SSH2: variants seen among roughly 807,000 people sequenced by gnomAD.
SSH2 encodes protein phosphatase Slingshot homolog 2.
In SSH2, 37 loss-of-function variants were observed where a neutral mutation model predicts 135.2. That is an observed-to-expected ratio of 0.27 (90% CI 0.21 to 0.36). The LOEUF (loss-of-function observed/expected upper bound fraction) is 0.36. Among genes scored for constraint, SSH2 ranks in the 10% least tolerant of loss-of-function variants. The pLI is 1.00. For synonymous variants in SSH2, 628 were observed against 646.2 expected, an observed-to-expected ratio of 0.97 and a Z score of 0.43; for missense variants, 1,408 against 1,765.3, an observed-to-expected ratio of 0.80 and a Z score of 3.63.
At chr17:29,660,829 G>T (rs1460504593) in intron 11 of SSH2, among the ~76,000 whole-genome samples, 1 of 151,534 alleles carries the variant, frequency 6.6e-6, no homozygotes. Context: ...GGCTGAGGTG[G>T]GCAGATCACC....
At chr17:29,733,287 C>T (rs1180239891) in intron 3 of SSH2, among the ~76,000 whole-genome samples, 1 of 152,302 alleles carries the variant, frequency 6.6e-6, no homozygotes, top group African/African-American at 2.4e-5. Flanking sequence ...ACAATAGGTG[C>T]CCTCAAAAGG....
intron 11 of SSH2, among the ~76,000 whole-genome samples, chr17:29,658,292 C>T (rs1236344333): frequency 6.6e-6 from 1 of 152,020 alleles, no homozygotes; most frequent in East Asian, 1.9e-4. Flanking sequence ...AGGCATGAGC[C>T]ATTGTGCCCA....
intron 3 of SSH2, among the ~76,000 whole-genome samples, chr17:29,714,757 A>T (rs1024863725): frequency 2.0e-5 from 3 of 152,126 alleles, no homozygotes; most frequent in African/African-American, 7.2e-5. Context: ...CAGAAATTAA[A>T]CTCACTTTCT....
chr17:29,686,745 T>A (rs1375008625), intron 5 of SSH2, among the ~76,000 whole-genome samples: 1 of 152,120 alleles, frequency 6.6e-6, no homozygotes, highest in Non-Finnish European at 1.5e-5. Flanking sequence ...CTCGGCTCAC[T>A]GCAACCTCCG....
At chr17:29,734,832 CA>C (rs1388790344) in intron 3 of SSH2, among the ~76,000 whole-genome samples, 1 of 152,118 alleles carries the variant, frequency 6.6e-6, no homozygotes, top group African/African-American at 2.4e-5. Flanking sequence ...AGAGGGTATT[CA>C]AAGGGCTGCA....
At chr17:29,649,883 A>T (rs994709799) in intron 13 of SSH2, among the ~76,000 whole-genome samples, 1 of 152,244 alleles carries the variant, frequency 6.6e-6, no homozygotes, top group Non-Finnish European at 1.5e-5. Flanking sequence ...AACTAAGAGG[A>T]AGAACTTCCT....
intron 3 of SSH2, among the ~76,000 whole-genome samples, chr17:29,774,640 G>C (rs1470347212): frequency 6.6e-6 from 1 of 152,198 alleles, no homozygotes; most frequent in African/African-American, 2.4e-5. Context: ...GGATTGGAGA[G>C]TAGAGAAGTG....
chr17:29,928,603 T>C (rs1597529913), intron 1 of SSH2: 1 of 398,510 alleles, frequency 2.5e-6, no homozygotes. Flanking sequence ...ACACAAGATA[T>C]ATAACCTTTG....
chr17:29,761,840 C>CGTGTGTGT (rs777352798), intron 3 of SSH2, among the ~76,000 whole-genome samples: 2,381 of 133,308 alleles, frequency 0.018, 31 homozygotes, highest in Admixed American at 0.023. Context: ...CACTCACATA[C>CGTGTGTGT]ATATGTGTGT....
intron 6 of SSH2, among the ~76,000 whole-genome samples, chr17:29,678,839 C>T (rs763518507): frequency 3.3e-5 from 5 of 150,712 alleles, no homozygotes; most frequent in East Asian, 3.9e-4. Flanking sequence ...CTCAGCCTCC[C>T]GAGTAGCTGG....
rs1277039585 is a variant in SSH2 at position 29,632,201 on chromosome 17, C to T, written c.2993G>A (p.Gly998Asp). 6.8e-6 allele frequency: 11 copies of T among 1,613,896 alleles called. No individual in the cohort carries two copies. Among genetic ancestry groups the T allele is most frequent in the Non-Finnish European group, 9.3e-6 (11 of 1,179,908 alleles). The change falls in exon 16 of 16, where the codon GGC becomes GAC. Residue 998 changes from glycine to aspartate, a missense_variant. Physicochemically the swap from Gly to Asp is moderately conservative, Grantham distance 94 (BLOSUM62 -1). Coordinates refer to ENST00000540801, the MANE Select transcript of SSH2 (RefSeq NM_001282129.2). Reference sequence around the variant, plus strand: ...CTGTGTTCCAGTATCTGACCCTGGGCCCTCCTGAGGATCTGGCAAGTGGTC... The same window carrying T: ...CTGTGTTCCAGTATCTGACCCTGGGTCCTCCTGAGGATCTGGCAAGTGGTC... The part of the protein sequence containing the change: ...EFDHLPDPQE[G>D]PGSDTGTQQE...
intron 3 of SSH2, among the ~76,000 whole-genome samples, chr17:29,753,747 C>T (rs551519969): frequency 6.8e-6 from 1 of 146,294 alleles, no homozygotes; most frequent in African/African-American, 2.5e-5. Context: ...GAGTTGAGAT[C>T]GTGCCACTGT....
chr17:29,744,914 A>C (rs2040708320), intron 3 of SSH2, among the ~76,000 whole-genome samples: 1 of 148,308 alleles, frequency 6.7e-6, no homozygotes, highest in South Asian at 2.1e-4. Flanking sequence ...TAAATAAACA[A>C]ACCATAAAGC....
In SSH2 at chr17:29,632,417, G is replaced by A; in HGVS notation, c.2777C>T (p.Ser926Leu). ...TCTSLSTRKNSKNDSSVADLA... is the reference protein window; with the variant it reads ...TCTSLSTRKNLKNDSSVADLA... Reference sequence around the variant, plus strand: ...GTCTGCCACAGAAGAATCATTCTTTGAATTCTTACGAGTGGACAATGAGGT... The same window carrying A: ...GTCTGCCACAGAAGAATCATTCTTTAAATTCTTACGAGTGGACAATGAGGT... The change falls in exon 16 of 16, where the codon TCA (serine) becomes TTA (leucine). Residue 926 changes from serine (S) to leucine (L), a missense_variant. Physicochemically the swap from Ser to Leu is moderately radical, Grantham distance 145 (BLOSUM62 -2). Around this residue, in one of 3 missense-constraint regions of SSH2, gnomAD observed 1,080 missense variants for 1,144.5 expected, o/e 0.94. Coordinates refer to ENST00000540801, the MANE Select transcript of SSH2 (RefSeq NM_001282129.2). 1 of 1,614,166 alleles carries A rather than the reference G, an allele frequency of 6.2e-7. No individual in the cohort carries two copies. Among genetic ancestry groups the A allele is most frequent in the Non-Finnish European group, 8.5e-7 (1 of 1,180,014 alleles).
At chr17:29,696,408 C>T (rs1193591483) in intron 4 of SSH2, among the ~76,000 whole-genome samples, 1 of 146,074 alleles carries the variant, frequency 6.8e-6, no homozygotes, top group Non-Finnish European at 1.5e-5. Context: ...CATATCCATA[C>T]ATATAAATAT....
rs2035538116 is a variant in SSH2 at position 29,627,693 on chromosome 17, T to C, written c.*3148A>G. 1 of 152,578 alleles carries C rather than the reference T, an allele frequency of 6.6e-6. No homozygotes were observed. Among genetic ancestry groups the C allele is most frequent in the Non-Finnish European group, 1.5e-5 (1 of 68,018 alleles). The allele number at this position is 152,578 out of a possible 1,614,324, so 9.5% of individuals were successfully genotyped here. On this transcript the variant is annotated 3_prime_UTR_variant, in exon 16 of 16. Coordinates refer to ENST00000540801, the MANE Select transcript of SSH2 (RefSeq NM_001282129.2). ...CAACTAAAATGAGGAGAGATGAATA[T>C]TACGGTACTATAGTACTACATGTCT...
At chr17:29,670,312 G>T (rs2037441558) in intron 9 of SSH2, among the ~76,000 whole-genome samples, 1 of 152,184 alleles carries the variant, frequency 6.6e-6, no homozygotes, top group Non-Finnish European at 1.5e-5. Context: ...TCATCCAGCT[G>T]TAAAGCATGA....
chr17:29,926,705 C>G (rs1023709690), intron 1 of SSH2, among the ~76,000 whole-genome samples: 2 of 152,214 alleles, frequency 1.3e-5, no homozygotes, highest in Non-Finnish European at 2.9e-5. Context: ...TCGCCTTTAT[C>G]TCTTACTACT....
intron 2 of SSH2, among the ~76,000 whole-genome samples, chr17:29,809,659 G>A (rs559793772): frequency 6.6e-5 from 10 of 152,184 alleles, no homozygotes; most frequent in Non-Finnish European, 1.5e-4. Context: ...AGGTTCAAGA[G>A]ATTCCCCCAC....
Sources: allele counts gnomAD v4.1 joint callset (sites outside exome capture counted in the v4.1 genomes callset), GRCh38; gene constraint gnomAD v4.1.1; regional missense constraint gnomAD v4.1.1; transcripts MANE v1.5; gene names NCBI Gene and HGNC (gene_info 2026-07-23, HGNC 2026-07-21).